Variants in GLB1 observed in about 807,000 individuals in gnomAD.
The protein encoded by GLB1 is galactosidase beta 1.
In GLB1, 56 loss-of-function variants were observed where a neutral mutation model predicts 74.0. The ratio of observed to expected loss-of-function variants is 0.76; its 90% CI spans 0.61 to 0.94. The LOEUF (loss-of-function observed/expected upper bound fraction) is 0.94. Among genes scored for constraint, GLB1 ranks in the 40% least tolerant of loss-of-function variants. The pLI, the probability that GLB1 is intolerant of heterozygous loss-of-function variation, is 0.00. For synonymous variants in GLB1, 323 were observed against 323.6 expected (o/e 1.00, Z 0.02); for missense variants, 787 against 845.5 (o/e 0.93, Z 0.86).
At chr3:33,079,628 T>C (rs1462744979) in intron 1 of GLB1, among the ~76,000 whole-genome samples, 1 of 152,238 alleles carries the variant, frequency 6.6e-6, no homozygotes, top group East Asian at 1.9e-4. Flanking sequence ...ATGTGTATTG[T>C]ACATGCATGT....
chr3:33,051,698 T>C lies in GLB1; in HGVS notation c.955+60A>G, dbSNP rs12632196. Reference sequence around the variant, plus strand: ...AAATTGTCTGTGGGCACACCCCTCCTCAAATTAATCAACAGAAACATTCTA... The same window carrying C: ...AAATTGTCTGTGGGCACACCCCTCCCCAAATTAATCAACAGAAACATTCTA... On this transcript the variant is annotated intron_variant, in intron 9 of 15. Coordinates refer to ENST00000307363, the MANE Select transcript of GLB1 (RefSeq NM_000404.4). 1,394,961 of 1,612,774 alleles carry C rather than the reference T, an allele frequency of 0.86. 611,292 individuals are homozygous for C. The highest frequency in any genetic ancestry group is 1 in the East Asian group (44,836 of 44,850).
chr3:33,043,478 G>C (rs1293788491), intron 10 of GLB1, among the ~76,000 whole-genome samples: 2 of 151,938 alleles, frequency 1.3e-5, no homozygotes, highest in Non-Finnish European at 1.5e-5. Context: ...AAGTAGAAGA[G>C]GGGGGAAAGA....
At chr3:33,080,277 A>G (rs1212534802) in intron 1 of GLB1, among the ~76,000 whole-genome samples, 4 of 152,026 alleles carry the variant, frequency 2.6e-5, no homozygotes. Context: ...ACGGGGTTTC[A>G]CCACGTTGGC....
chr3:33,019,937 A>C (rs886084581), intron 12 of GLB1, among the ~76,000 whole-genome samples: 1 of 152,204 alleles, frequency 6.6e-6, no homozygotes, highest in Non-Finnish European at 1.5e-5. Flanking sequence ...GCCAGGGCCC[A>C]GGAAGCCCCA....
intron 6 of GLB1, among the ~76,000 whole-genome samples, chr3:33,056,213 G>C: frequency 9.8e-6 from 1 of 101,538 alleles, no homozygotes; most frequent in African/African-American, 4.0e-5. Context: ...GGCAACAAGA[G>C]CGAAACTCCA....
the GLB1 span, among the ~76,000 whole-genome samples, chr3:32,973,504 G>A: frequency 6.6e-6 from 1 of 152,152 alleles, no homozygotes; most frequent in East Asian, 1.9e-4. Flanking sequence ...ACCACATCCA[G>A]CTAATTTTTG....
At position 33,096,840 on chromosome 3, in the gene GLB1, C is replaced by T. The variant is rs1303058537; in HGVS notation, c.75+171G>A. 32 of 1,373,918 alleles carry T rather than the reference C, an allele frequency of 2.3e-5. 1 individual carries two copies. In the South Asian group the frequency reaches 4.1e-4, roughly 18 times the overall value. 85.1% of individuals were successfully genotyped at this position (1,373,918 alleles called of 1,614,324 possible). A position where few individuals can be genotyped will look rare whatever the true frequency, so the allele number is the denominator to read the frequency against. On this transcript the variant is annotated intron_variant, in intron 1 of 15. Coordinates refer to ENST00000307363, the MANE Select transcript of GLB1 (RefSeq NM_000404.4). ...CGCGCCCCGCCCGGCCCGCCCCCGA[C>T]GGGAAGGCCGGTCCACTGCCTGCGT...
rs1468862507 is a variant in GLB1 at position 33,086,581 on chromosome 3, C to T, written c.75+10430G>A. On this transcript the variant is annotated intron_variant, in intron 1 of 15. Transcript: ENST00000307363. Reference sequence around the variant, plus strand: ...TGGACCAACAGGTCAATCTTAATATCAGTGAAGCAATGAATTCTTCCTACC... The same window carrying T: ...TGGACCAACAGGTCAATCTTAATATTAGTGAAGCAATGAATTCTTCCTACC... Among the ~76,000 whole-genome samples, 5 of 152,264 alleles carry T rather than the reference C, an allele frequency of 3.3e-5. No individual in the cohort carries two copies. In the East Asian group the frequency reaches 9.6e-4, roughly 29 times the overall value.
At chr3:33,096,416 C>G in intron 1 of GLB1, 2 of 923,770 alleles carry the variant, frequency 2.2e-6, no homozygotes, top group Non-Finnish European at 2.6e-6. Context: ...TCAACCTGGA[C>G]CCCCAAACGC....
rs13062239 is a variant in GLB1 at position 33,051,614 on chromosome 3, A to G, written c.955+144T>C. 0.13 allele frequency: 150,062 copies of G among 1,196,424 alleles called. 9,880 individuals are homozygous for G. The highest frequency in any genetic ancestry group is 0.18 in the Admixed American group (6,702 of 36,554). The allele number at this position is 1,196,424 out of a possible 1,614,324, so 74.1% of individuals were successfully genotyped here. ...AGTGAGACTGTCTACAAAAAAAAAA[A>G]AAAAAGAAAAAGAAAAAAAAAGAAA... On this transcript the variant is annotated intron_variant, in intron 9 of 15. Transcript: ENST00000307363.
intron 1 of GLB1, among the ~76,000 whole-genome samples, chr3:33,076,044 CA>C (rs71733863): frequency 0.19 from 15,405 of 79,606 alleles, 2,405 homozygotes; most frequent in African/African-American, 0.48. Context: ...GACTCTGTCT[CA>C]AAAAAAAAAA....
chr3:33,070,063 G>C (rs1699836743), intron 2 of GLB1, among the ~76,000 whole-genome samples: 1 of 151,896 alleles, frequency 6.6e-6, no homozygotes, highest in African/African-American at 2.4e-5. Flanking sequence ...GTGGTATTTG[G>C]TTTTCTGTCC....
At chr3:33,094,066 G>A in intron 1 of GLB1, 1 of 1,614,238 alleles carries the variant, frequency 6.2e-7, no homozygotes, top group Non-Finnish European at 8.5e-7. Flanking sequence ...TGCAAGCGAA[G>A]CAGCCAACGC....
At chr3:33,004,212 G>C (rs1038422751) in intron 15 of GLB1, among the ~76,000 whole-genome samples, 1 of 152,180 alleles carries the variant, frequency 6.6e-6, no homozygotes, top group African/African-American at 2.4e-5. Context: ...CTAGTCATGT[G>C]AACAAGCCTA....
At chr3:33,076,785 C>A (rs922113105) in intron 1 of GLB1, among the ~76,000 whole-genome samples, 19 of 152,238 alleles carry the variant, frequency 1.2e-4, no homozygotes, top group African/African-American at 4.6e-4. Context: ...CTTTTGGAGA[C>A]TGCTAGAGTA....
chr3:33,016,904 C>A, intron 13 of GLB1, 64 bp from the exon 14 acceptor site: 1 of 1,597,986 alleles, frequency 6.3e-7, no homozygotes, highest in South Asian at 1.1e-5. Context: ...GGAGAGGCAG[C>A]ATGCTCAGTT....
At chr3:32,965,848 G>T in the GLB1 span, among the ~76,000 whole-genome samples, 1 of 152,234 alleles carries the variant, frequency 6.6e-6, no homozygotes, top group African/African-American at 2.4e-5. Context: ...AGGGGCCAAG[G>T]TATAGCTGGG....
intron 15 of GLB1, among the ~76,000 whole-genome samples, chr3:33,013,531 C>T (rs936131019): frequency 6.6e-6 from 1 of 151,824 alleles, no homozygotes; most frequent in Non-Finnish European, 1.5e-5. Context: ...GAGGAGAAGG[C>T]GGTGAAGGAA....
At chr3:33,092,061 C>G (rs968524349) in intron 1 of GLB1, 4 of 985,304 alleles carry the variant, frequency 4.1e-6, no homozygotes, top group Non-Finnish European at 4.8e-6. Flanking sequence ...GTGAGCTCCC[C>G]GAAGGGTTGT....
Sources: allele counts gnomAD v4.1 joint callset (sites outside exome capture counted in the v4.1 genomes callset), GRCh38; gene constraint gnomAD v4.1.1; transcripts MANE v1.5; gene names NCBI Gene and HGNC (gene_info 2026-07-23, HGNC 2026-07-21).